Variants in ATP2A2 observed in about 807,000 individuals in gnomAD.
ATP2A2 encodes ATPase sarcoplasmic/endoplasmic reticulum Ca2+ transporting 2, also known as sarcoplasmic/endoplasmic reticulum calcium ATPase 2.
Under a neutral mutation model 109.3 loss-of-function variants are expected in ATP2A2, and 14 were observed. The ratio of observed to expected loss-of-function variants is 0.13; its 90% CI spans 0.08 to 0.20. The LOEUF is 0.20. Among genes scored for constraint, ATP2A2 ranks in the 10% least tolerant of loss-of-function variants. ATP2A2 has a pLI of 1.00. For synonymous variants in ATP2A2, 506 were observed against 490.9 expected (o/e 1.03, Z -0.41); for missense variants, 657 against 1,321.6 (o/e 0.50, Z 7.80).
intron 4 of ATP2A2, among the ~76,000 whole-genome samples, chr12:110,293,385 T>TTTGTTTG (rs1555276963): frequency 1.7e-5 from 2 of 114,358 alleles, no homozygotes; most frequent in African/African-American, 7.7e-5. Flanking sequence ...TTTTTTTTTT[T>TTTGTTTG]TTTGTTTGTT....
intron 6 of ATP2A2, among the ~76,000 whole-genome samples, chr12:110,324,709 C>G (rs921425883): frequency 1.4e-4 from 22 of 152,028 alleles, no homozygotes; most frequent in African/African-American, 5.3e-4. Flanking sequence ...CATTTAAAAA[C>G]TTTTTAGGCT....
At chr12:110,307,223 T>G (rs992244559) in intron 5 of ATP2A2, among the ~76,000 whole-genome samples, 2 of 754 alleles carry the variant, frequency 2.7e-3, no homozygotes, top group East Asian at 0.05. Context: ...CCCCACCACC[T>G]TTTTTTTTTT....
chr12:110,336,164 G>T (rs1878826089), intron 11 of ATP2A2, among the ~76,000 whole-genome samples: 1 of 152,124 alleles, frequency 6.6e-6, no homozygotes. Flanking sequence ...CATCACCATG[G>T]GGCTGCCAGT....
chr12:110,343,576 G>A (rs894516093), intron 16 of ATP2A2, 142 bp downstream of exon 16: 19 of 960,250 alleles, frequency 2.0e-5, no homozygotes, highest in Non-Finnish European at 2.9e-5. Flanking sequence ...CTTACAGTTC[G>A]ATGAACTATA....
intron 6 of ATP2A2, 41 bp from the exon 7 acceptor site, chr12:110,326,349 G>C (rs747224258): frequency 6.4e-7 from 1 of 1,551,706 alleles, no homozygotes; most frequent in Non-Finnish European, 8.9e-7. Flanking sequence ...TCTTGGTGTG[G>C]GTCGCAGAGA....
Position 110,346,626 on chromosome 12 carries a change from T to TG in ATP2A2, c.*160dup. On this transcript the variant is annotated 3_prime_UTR_variant, in exon 20 of 20. Coordinates refer to ENST00000539276, the MANE Select transcript of ATP2A2 (RefSeq NM_170665.4). ...TTTGTTTTGCTTTTTCTGACTCCAG[T>TG]GGGGCAAGATTTTCCTTTTTTATAC... 1 of 1,478,388 alleles carries TG rather than the reference T, an allele frequency of 6.8e-7. No homozygotes were observed. Among genetic ancestry groups the TG allele is most frequent in the Non-Finnish European group, 8.9e-7 (1 of 1,124,416 alleles). 91.6% of individuals were successfully genotyped at this position (1,478,388 alleles called of 1,614,324 possible).
intron 5 of ATP2A2, among the ~76,000 whole-genome samples, chr12:110,306,617 TG>T (rs1875364448): frequency 6.6e-6 from 1 of 152,240 alleles, no homozygotes; most frequent in South Asian, 2.1e-4. Flanking sequence ...AGACAGTATT[TG>T]GTTTTCTGGG....
intron 11 of ATP2A2, among the ~76,000 whole-genome samples, chr12:110,338,305 C>T (rs1324749028): frequency 6.6e-6 from 1 of 152,236 alleles, no homozygotes; most frequent in Non-Finnish European, 1.5e-5. Flanking sequence ...TTATCCATCA[C>T]GTGTGACAGC....
Position 110,347,275 on chromosome 12 carries a change from C to T in ATP2A2, c.*805C>T, listed in dbSNP as rs1269949510. On this transcript the variant is annotated 3_prime_UTR_variant, in exon 20 of 20. Transcript: ENST00000539276. ...GCCAACATTGCCTATTTCAGTGGCA[C>T]GTCATCTAGTTTTAAAAAAATAAAA... 5 of 1,248,230 alleles carry T rather than the reference C, an allele frequency of 4.0e-6. No individual in the cohort carries two copies. In the East Asian group the frequency reaches 1.7e-4, roughly 43 times the overall value. 77.3% of individuals were successfully genotyped at this position (1,248,230 alleles called of 1,614,324 possible).
chr12:110,299,919 G>A (rs770448805), intron 5 of ATP2A2, among the ~76,000 whole-genome samples: 1 of 152,092 alleles, frequency 6.6e-6, no homozygotes, highest in Admixed American at 6.6e-5. Flanking sequence ...ATCATGCCCA[G>A]CTAATTTTGT....
chr12:110,348,345 T>G lies in ATP2A2; in HGVS notation c.*1875T>G. On this transcript the variant is annotated 3_prime_UTR_variant, in exon 20 of 20. Transcript: ENST00000539276. The stretch of plus-strand genomic sequence containing the variant: ...ATGTTAAAGCACAGTTAGTAGGACG[T>G]GGCTCTGCACAGCCCAAAAACCAGC... 2 of 985,296 alleles carry G rather than the reference T, an allele frequency of 2.0e-6. No homozygotes were observed. The highest frequency in any genetic ancestry group is 2.4e-6 in the Non-Finnish European group (2 of 829,932). 61.0% of individuals were successfully genotyped at this position (985,296 alleles called of 1,614,324 possible).
At chr12:110,310,229 T>C (rs1875871546) in intron 5 of ATP2A2, among the ~76,000 whole-genome samples, 4 of 152,042 alleles carry the variant, frequency 2.6e-5, no homozygotes, top group Admixed American at 1.3e-4. Flanking sequence ...TCAAGTGATC[T>C]GCCTCCCTTG....
At chr12:110,337,555 C>T (rs1335937260) in intron 11 of ATP2A2, among the ~76,000 whole-genome samples, 1 of 152,270 alleles carries the variant, frequency 6.6e-6, no homozygotes, top group Non-Finnish European at 1.5e-5. Context: ...GCTGGCAGGC[C>T]AGCAGGATCG....
rs1460235713 is a variant in ATP2A2 at position 110,348,759 on chromosome 12, C to T, written c.*2289C>T. 2.0e-6 allele frequency: 2 copies of T among 985,376 alleles called. No individual in the cohort carries two copies. Among genetic ancestry groups the T allele is most frequent in the Non-Finnish European group, 2.4e-6 (2 of 830,018 alleles). The allele number at this position is 985,376 out of a possible 1,614,324, so 61.0% of individuals were successfully genotyped here. A position where few individuals can be genotyped will look rare whatever the true frequency, so the allele number is the denominator to read the frequency against. On this transcript the variant is annotated 3_prime_UTR_variant, in exon 20 of 20. Coordinates refer to ENST00000539276, the MANE Select transcript of ATP2A2 (RefSeq NM_170665.4). ...AGGCTGCTCGCAGGCAGCTGTGGCT[C>T]TCGGGAAGGGAGGCTGCTTTGCCCA...
At chr12:110,341,750 G>A (rs1439036172) in intron 14 of ATP2A2, among the ~76,000 whole-genome samples, 4 of 152,132 alleles carry the variant, frequency 2.6e-5, no homozygotes, top group Admixed American at 6.6e-5. Flanking sequence ...GTGGGCGCCT[G>A]TAATCCCAGC....
At position 110,281,624 on chromosome 12, in the gene ATP2A2, G is replaced by T. The variant is rs958051728; in HGVS notation, c.-166G>T. 1.7e-5 allele frequency: 7 copies of T among 408,902 alleles called. No individual in the cohort carries two copies. The highest frequency in any genetic ancestry group is 3.0e-5 in the Non-Finnish European group (7 of 233,164). 25.3% of individuals were successfully genotyped at this position (408,902 alleles called of 1,614,324 possible). A position where few individuals can be genotyped will look rare whatever the true frequency, so the allele number is the denominator to read the frequency against. ...GGGGCGGTTGTCTGGGGGAGGGGGC[G>T]CGGGGTGATTCAGCGCCCGGCGAGG... is the stretch of plus-strand genomic sequence containing the variant. On this transcript the variant is annotated 5_prime_UTR_variant, in exon 1 of 20. Transcript: ENST00000539276.
chr12:110,343,198 G>A, intron 15 of ATP2A2, 34 bp from the exon 16 acceptor site: 2 of 1,604,186 alleles, frequency 1.2e-6, no homozygotes, highest in Non-Finnish European at 1.7e-6. Context: ...AGTCATTTGG[G>A]CTCTCTTTGT....
chr12:110,293,824 ATATGTGTGTGTGTG>A lies in ATP2A2; in HGVS notation c.324+1702_324+1715del, dbSNP rs1403465221. ...TTAGAGATTTGTAATTGTGCCATATATATGTGTGTGTGTGTGTGTGTGTGTGTGTGTGTGTGTGT... is the reference window on the plus strand; with the variant it reads ...TTAGAGATTTGTAATTGTGCCATATATGTGTGTGTGTGTGTGTGTGTGTGT... On this transcript the variant is annotated intron_variant, in intron 4 of 19. Transcript: ENST00000539276. 7.9e-5 allele frequency among the ~76,000 whole-genome samples: 10 copies of A among 126,382 alleles called. 1 individual carries two copies. Among genetic ancestry groups the A allele is most frequent in the African/African-American group, 1.4e-4 (4 of 27,948 alleles). The allele number at this position is 126,382 out of a possible 152,430, so 82.9% of individuals were successfully genotyped here.
In ATP2A2 at chr12:110,333,177, G is replaced by A. The variant is rs569084044; in HGVS notation, c.1185-4G>A. The A allele has an allele frequency of 2.5e-6, 4 of 1,612,076 alleles. No individual in the cohort carries two copies. Among genetic ancestry groups the A allele is most frequent in the South Asian group, 1.1e-5 (1 of 91,040 alleles). On this transcript the variant is annotated splice_region_variant and splice_polypyrimidine_tract_variant and intron_variant, in intron 9 of 19. Transcript: ENST00000539276. ...TGCTCTAAGAGTGTTTTCTCTTTGG[G>A]CAGGCATAAAGATGATAAACCAGTG...
Sources: allele counts gnomAD v4.1 joint callset (sites outside exome capture counted in the v4.1 genomes callset), GRCh38; gene constraint gnomAD v4.1.1; transcripts MANE v1.5; gene names NCBI Gene and HGNC (gene_info 2026-07-23, HGNC 2026-07-21).